The following PACRG variants were observed in gnomAD, a reference collection of about 807,000 sequenced individuals.
The protein encoded by PACRG is parkin coregulated gene protein.
PACRG carries 29 observed loss-of-function variants against 29.7 expected under a neutral mutation model. The ratio of observed to expected loss-of-function variants is 0.98; its 90% CI spans 0.73 to 1.33. The LOEUF is 1.33. Among genes scored for constraint, PACRG ranks in the 40% most tolerant of loss-of-function variants. The pLI is 0.00. For missense variants in PACRG, 279 were observed against 316.2 expected (o/e 0.88, Z 0.89); for synonymous variants, 116 against 118.7 (o/e 0.98, Z 0.15).
chr6:163,214,715 CTT>C lies in PACRG; in HGVS notation c.614-100110_614-100109del, dbSNP rs1368700511. 2.0e-5 allele frequency among the ~76,000 whole-genome samples: 3 copies of C among 151,890 alleles called. No individual in the cohort carries two copies. In the East Asian group the frequency reaches 5.8e-4, roughly 29 times the overall value. ...ATTTTGTAATCTTTTGGGTAATTCT[CTT>C]TATGTTTTCAGGTTGTTGTAATTCT... is the stretch of plus-strand genomic sequence containing the variant. On this transcript the variant is annotated intron_variant, in intron 4 of 4. Transcript: ENST00000366888.
At chr6:163,095,340 C>T in intron 4 of PACRG, 2 of 985,394 alleles carry the variant, frequency 2.0e-6, no homozygotes, top group Non-Finnish European at 2.4e-6. Context: ...GTAGACCTCC[C>T]TGGTTGCGCC....
chr6:163,307,870 C>T (rs1785247572), intron 4 of PACRG, among the ~76,000 whole-genome samples: 1 of 152,196 alleles, frequency 6.6e-6, no homozygotes, highest in African/African-American at 2.4e-5. Context: ...AGGTTTTCCC[C>T]TGCCTCTTTC....
At chr6:163,072,290 T>A (rs1193795626) in intron 3 of PACRG, among the ~76,000 whole-genome samples, 1 of 151,696 alleles carries the variant, frequency 6.6e-6, no homozygotes, top group Non-Finnish European at 1.5e-5. Flanking sequence ...GATGTTACGA[T>A]ATATGCAAAG....
At chr6:163,134,675 A>C (rs1033650133) in intron 4 of PACRG, among the ~76,000 whole-genome samples, 4 of 152,168 alleles carry the variant, frequency 2.6e-5, no homozygotes, top group South Asian at 2.1e-4. Flanking sequence ...GTAAAATAAC[A>C]GGGGGAAAGC....
At chr6:163,142,554 T>C (rs1777588222) in intron 4 of PACRG, among the ~76,000 whole-genome samples, 1 of 152,244 alleles carries the variant, frequency 6.6e-6, no homozygotes. Context: ...AAATATCATT[T>C]CTTTCTCTCA....
chr6:163,024,697 C>T (rs1806955403), intron 2 of PACRG, among the ~76,000 whole-genome samples: 1 of 150,156 alleles, frequency 6.7e-6, no homozygotes, highest in African/African-American at 2.5e-5. Flanking sequence ...TTCCTCCAAT[C>T]CATGAACATG....
chr6:163,245,104 A>G (rs1782644705), intron 4 of PACRG: 1 of 443,412 alleles, frequency 2.3e-6, no homozygotes, highest in Non-Finnish European at 4.5e-6. Context: ...AACAAATAAT[A>G]TGAATGTCAC....
At chr6:162,734,655 GT>G (rs1780024538) in intron 1 of PACRG, among the ~76,000 whole-genome samples, 1 of 152,124 alleles carries the variant, frequency 6.6e-6, no homozygotes, top group Non-Finnish European at 1.5e-5. Flanking sequence ...AGTAGACTGT[GT>G]TTTTCCACTT....
At chr6:162,889,299 A>G in intron 2 of PACRG, among the ~76,000 whole-genome samples, 1 of 152,326 alleles carries the variant, frequency 6.6e-6, no homozygotes, top group African/African-American at 2.4e-5. Context: ...TCTTTCTTTG[A>G]ATGCCTCTTG....
chr6:162,920,917 A>G (rs1490020672), intron 2 of PACRG, among the ~76,000 whole-genome samples: 1 of 152,238 alleles, frequency 6.6e-6, no homozygotes, highest in African/African-American at 2.4e-5. Flanking sequence ...GTGAAAATAA[A>G]TGCTGTTCAT....
intron 2 of PACRG, among the ~76,000 whole-genome samples, chr6:162,889,609 T>C (rs1230080830): frequency 6.6e-6 from 1 of 152,238 alleles, no homozygotes; most frequent in Non-Finnish European, 1.5e-5. Flanking sequence ...TTATACAGCA[T>C]GGCATGGTGT....
intron 4 of PACRG, among the ~76,000 whole-genome samples, chr6:163,218,699 G>A (rs910841031): frequency 2.6e-5 from 4 of 152,144 alleles, no homozygotes; most frequent in Non-Finnish European, 4.4e-5. Context: ...TGCTCCTCCA[G>A]CTCCTCCCAG....
intron 2 of PACRG, among the ~76,000 whole-genome samples, chr6:162,912,566 T>G (rs1429544526): frequency 6.6e-6 from 1 of 151,318 alleles, no homozygotes; most frequent in Non-Finnish European, 1.5e-5. Context: ...AGTCACATAT[T>G]ATATTCTTTT....
chr6:163,012,140 T>G (rs1805672993), intron 2 of PACRG, among the ~76,000 whole-genome samples: 1 of 152,252 alleles, frequency 6.6e-6, no homozygotes, highest in Non-Finnish European at 1.5e-5. Flanking sequence ...TTCTTGATAT[T>G]TACATGCCTA....
chr6:162,864,360 A>G (rs558509043), intron 2 of PACRG, among the ~76,000 whole-genome samples: 1 of 152,330 alleles, frequency 6.6e-6, no homozygotes, highest in Non-Finnish European at 1.5e-5. Flanking sequence ...TAGGATAAAC[A>G]AATACATACT....
chr6:163,095,368 T>C, intron 4 of PACRG: 1 of 985,456 alleles, frequency 1.0e-6, no homozygotes, highest in Non-Finnish European at 1.2e-6. Context: ...AGGGAAGGAT[T>C]ATTCTGAGTT....
intron 2 of PACRG, among the ~76,000 whole-genome samples, chr6:162,856,663 C>G (rs1791424390): frequency 6.6e-6 from 1 of 152,190 alleles, no homozygotes; most frequent in Non-Finnish European, 1.5e-5. Context: ...TGCAGCACCA[C>G]ACTTTTCATA....
intron 2 of PACRG, among the ~76,000 whole-genome samples, chr6:162,911,304 C>T (rs919231499): frequency 1.3e-5 from 2 of 152,142 alleles, no homozygotes; most frequent in African/African-American, 4.8e-5. Context: ...AATTTTACCA[C>T]AAGTGTTTTG....
At chr6:163,175,940 A>G (rs535753091) in intron 4 of PACRG, among the ~76,000 whole-genome samples, 1 of 152,288 alleles carries the variant, frequency 6.6e-6, no homozygotes, top group Admixed American at 6.5e-5. Context: ...AATCTAAAGC[A>G]CAGTTTGTGT....
Sources: allele counts gnomAD v4.1 joint callset (sites outside exome capture counted in the v4.1 genomes callset), GRCh38; gene constraint gnomAD v4.1.1; transcripts MANE v1.5; gene names NCBI Gene and HGNC (gene_info 2026-07-23, HGNC 2026-07-21).